The following FRAS1 variants were observed in gnomAD, a reference collection of about 807,000 sequenced individuals.
The protein encoded by FRAS1 is extracellular matrix organizing protein FRAS1.
In FRAS1, 290 loss-of-function variants were observed where a neutral mutation model predicts 435.2. That is an observed-to-expected ratio of 0.67 (90% CI 0.61 to 0.73). The LOEUF is 0.73. Ranked by LOEUF, FRAS1 falls within the 30% of genes least tolerant of loss-of-function variation. FRAS1 has a pLI of 0.00. For missense variants in FRAS1, 4,860 were observed against 5,001.5 expected (o/e 0.97, Z 0.85); for synonymous variants, 1,800 against 1,851.0 (o/e 0.97, Z 0.71).
In FRAS1 at chr4:78,312,709, G is replaced by T. The variant is rs181262498; in HGVS notation, c.1679-2885G>T. On this transcript the variant is annotated intron_variant, in intron 15 of 73. Coordinates refer to ENST00000512123, the MANE Select transcript of FRAS1 (RefSeq NM_025074.7). ...TAGCCAGGTGTGGTGATGTGTGCCT[G>T]TAGTCCTAGTTCCTCTGGAAGCTGA... Among the ~76,000 whole-genome samples the T allele has an allele frequency of 1.2e-3, 178 of 152,096 alleles. 1 individual carries two copies. Among genetic ancestry groups the T allele is most frequent in the Admixed American group, 3.6e-3 (55 of 15,282 alleles).
At chr4:78,255,115 C>T (rs979593837) in intron 5 of FRAS1, 127 bp from the exon 6 acceptor site, 35 of 872,414 alleles carry the variant, frequency 4.0e-5, no homozygotes, top group Non-Finnish European at 6.2e-5. Context: ...GCATTGAACA[C>T]CAAATGCAGG....
chr4:78,109,512 C>T (rs531273656), intron 2 of FRAS1, among the ~76,000 whole-genome samples: 1 of 150,026 alleles, frequency 6.7e-6, no homozygotes, highest in African/African-American at 2.5e-5. Flanking sequence ...ATGATTATCT[C>T]AATAGATGCA....
At chr4:78,083,783 C>T (rs1741016562) in intron 2 of FRAS1, among the ~76,000 whole-genome samples, 1 of 151,886 alleles carries the variant, frequency 6.6e-6, no homozygotes, top group Admixed American at 6.6e-5. Context: ...AGCTTCTCAC[C>T]TAATATTGTT....
intron 2 of FRAS1, among the ~76,000 whole-genome samples, chr4:78,150,091 T>C (rs1030029982): frequency 6.6e-6 from 1 of 152,186 alleles, no homozygotes; most frequent in Non-Finnish European, 1.5e-5. Flanking sequence ...GCTCGTTCTC[T>C]TTTTACGTCA....
At chr4:78,059,987 A>T (rs1739682834) in intron 1 of FRAS1, among the ~76,000 whole-genome samples, 1 of 152,114 alleles carries the variant, frequency 6.6e-6, no homozygotes, top group Admixed American at 6.5e-5. Flanking sequence ...AGAGCATTCT[A>T]TAGCTGTTTC....
Position 78,481,846 on chromosome 4 carries a change from C to A in FRAS1, c.8486C>A (p.Ser2829Tyr), listed in dbSNP as rs376788346. 446 of 1,613,954 alleles carry A rather than the reference C, an allele frequency of 2.8e-4. 7 individuals carry two copies. The South Asian group carries it at 4.6e-3, about 17-fold the overall frequency. ...IPVIRHGTDL[S>Y]TFASVWCATR... ...GTTATCCGCCATGGTACTGACCTCT[C>A]TACTTTCGCATCTGTCTGGTGTGCA... The change falls in exon 57 of 74, where the codon TCT (serine) becomes TAT (tyrosine). Residue 2829 changes from serine to tyrosine, a missense_variant. Coordinates refer to ENST00000512123, the MANE Select transcript of FRAS1 (RefSeq NM_025074.7).
intron 2 of FRAS1, among the ~76,000 whole-genome samples, chr4:78,180,364 AC>A (rs1226086583): frequency 2.0e-5 from 3 of 152,258 alleles, no homozygotes; most frequent in Non-Finnish European, 4.4e-5. Flanking sequence ...AGTATTCCAC[AC>A]AGAATAAAAT....
At chr4:78,514,694 G>GGGCT (rs1721149784) in intron 65 of FRAS1, among the ~76,000 whole-genome samples, 2 of 152,060 alleles carry the variant, frequency 1.3e-5, no homozygotes, top group African/African-American at 4.8e-5. Context: ...ATGGGGCAGA[G>GGGCT]GGCTAGGTGC....
At chr4:78,066,331 C>T (rs1740038640) in intron 2 of FRAS1, among the ~76,000 whole-genome samples, 1 of 152,118 alleles carries the variant, frequency 6.6e-6, no homozygotes, top group Admixed American at 6.6e-5. Context: ...CAGATACAAA[C>T]TGAAACACAA....
intron 2 of FRAS1, among the ~76,000 whole-genome samples, chr4:78,073,329 TG>T (rs1740456768): frequency 6.6e-6 from 1 of 152,210 alleles, no homozygotes; most frequent in Non-Finnish European, 1.5e-5. Flanking sequence ...TAGGAACAGA[TG>T]TTTTAAGTTA....
Position 78,387,423 on chromosome 4 carries a change from A to G in FRAS1, c.3697A>G (p.Arg1233Gly). ...AGTTCTCCACATTAGCAGAGGAGAG[A>G]GGGCAACCATCACCACCCAGATGCT... ...NEVLHISRGE[R>G]ATITTQMLDI... The change falls in exon 29 of 74, where the codon AGG (arginine) becomes GGG (glycine). Residue 1233 changes from arginine (R) to glycine (G), a missense_variant. Coordinates refer to ENST00000512123, the MANE Select transcript of FRAS1 (RefSeq NM_025074.7). The G allele has an allele frequency of 6.2e-7, 1 of 1,613,474 alleles. No individual in the cohort carries two copies. Among genetic ancestry groups the G allele is most frequent in the Non-Finnish European group, 8.5e-7 (1 of 1,179,638 alleles).
chr4:78,404,503 C>G (rs2110349535), intron 30 of FRAS1, among the ~76,000 whole-genome samples: 1 of 152,212 alleles, frequency 6.6e-6, no homozygotes, highest in East Asian at 1.9e-4. Flanking sequence ...GGACTTGTCA[C>G]AAAGGCACCT....
intron 9 of FRAS1, 24 bp downstream of exon 9, chr4:78,267,456 T>G (rs746390164): frequency 6.2e-7 from 1 of 1,605,428 alleles, no homozygotes; most frequent in East Asian, 2.2e-5. Context: ...GCATTTCCAT[T>G]TGGAACGTTG....
At chr4:78,312,994 C>T (rs888364113) in intron 15 of FRAS1, among the ~76,000 whole-genome samples, 22 of 152,076 alleles carry the variant, frequency 1.4e-4, no homozygotes, top group African/African-American at 5.1e-4. Context: ...TTTAGATTTA[C>T]AAATTTCCCT....
chr4:78,235,269 C>T (rs544615470), intron 2 of FRAS1, among the ~76,000 whole-genome samples: 1 of 152,296 alleles, frequency 6.6e-6, no homozygotes, highest in African/African-American at 2.4e-5. Flanking sequence ...AAGTGGGCAC[C>T]ATAGCCTAGC....
At chr4:78,336,351 G>T (rs897510586) in intron 19 of FRAS1, among the ~76,000 whole-genome samples, 2 of 152,114 alleles carry the variant, frequency 1.3e-5, no homozygotes, top group Admixed American at 1.3e-4. Flanking sequence ...TCCTAGCCCA[G>T]CTGGTTTTTG....
intron 2 of FRAS1, among the ~76,000 whole-genome samples, chr4:78,191,554 A>G (rs1311255779): frequency 7.2e-6 from 1 of 138,146 alleles, no homozygotes; most frequent in Non-Finnish European, 1.6e-5. Flanking sequence ...TTTTTTAATT[A>G]TTATACTTTA....
At chr4:78,410,185 T>C (rs890086453) in intron 31 of FRAS1, among the ~76,000 whole-genome samples, 2 of 152,226 alleles carry the variant, frequency 1.3e-5, no homozygotes, top group African/African-American at 2.4e-5. Flanking sequence ...GAGAATGTTA[T>C]CAATATGGAG....
chr4:78,206,058 T>C (rs552407327), intron 2 of FRAS1, among the ~76,000 whole-genome samples: 1 of 152,250 alleles, frequency 6.6e-6, no homozygotes, highest in South Asian at 2.1e-4. Flanking sequence ...GGCCCCAAGT[T>C]GTTCATATCT....
Sources: allele counts gnomAD v4.1 joint callset (sites outside exome capture counted in the v4.1 genomes callset), GRCh38; gene constraint gnomAD v4.1.1; transcripts MANE v1.5; gene names NCBI Gene and HGNC (gene_info 2026-07-23, HGNC 2026-07-21).